CDH11: variants seen among roughly 807,000 people sequenced by gnomAD.
CDH11 encodes cadherin 11, also known as cadherin-11.
A neutral mutation model predicts 67.8 loss-of-function variants in CDH11; 11 were observed. That is an observed-to-expected ratio of 0.16 (90% CI 0.10 to 0.27). The LOEUF (loss-of-function observed/expected upper bound fraction) is 0.27. Ranked by LOEUF, CDH11 falls within the 10% of genes least tolerant of loss-of-function variation. The pLI is 1.00. For missense variants in CDH11, 847 were observed against 1,031.2 expected (o/e 0.82, Z 2.45); for synonymous variants, 419 against 400.0 (o/e 1.05, Z -0.57).
At chr16:65,049,473 C>T (rs1001378734) in intron 2 of CDH11, among the ~76,000 whole-genome samples, 2 of 152,210 alleles carry the variant, frequency 1.3e-5, no homozygotes, top group East Asian at 1.9e-4. Context: ...GACCCCTGCG[C>T]ATAGCAGCCA....
intron 11 of CDH11, among the ~76,000 whole-genome samples, chr16:64,963,285 G>A (rs1281913668): frequency 6.6e-6 from 1 of 152,134 alleles, no homozygotes. Flanking sequence ...AAACACTAGA[G>A]ATAAAAAACA....
At chr16:65,032,490 C>T (rs901369076) in intron 2 of CDH11, among the ~76,000 whole-genome samples, 1 of 149,364 alleles carries the variant, frequency 6.7e-6, no homozygotes, top group Non-Finnish European at 1.5e-5. Context: ...GAAAAAGAGA[C>T]AGAGAGAGAG....
chr16:64,968,892 A>T (rs1408101446), intron 11 of CDH11, among the ~76,000 whole-genome samples: 1 of 152,194 alleles, frequency 6.6e-6, no homozygotes, highest in Non-Finnish European at 1.5e-5. Context: ...TACTTTTAGG[A>T]GCTAGTAGAA....
chr16:65,120,110 G>T (rs2075300452), intron 1 of CDH11, among the ~76,000 whole-genome samples: 2 of 152,194 alleles, frequency 1.3e-5, no homozygotes, highest in African/African-American at 4.8e-5. Flanking sequence ...GCTCCCTGCA[G>T]CTAGGGTTGG....
intron 7 of CDH11, chr16:64,987,385 AT>A (rs1419745787): frequency 1.6e-4 from 25 of 152,110 alleles, no homozygotes; most frequent in Admixed American, 1.6e-3. Flanking sequence ...AAATGATTTC[AT>A]CTGTCTGAGC....
At chr16:64,990,484 G>C (rs974195033) in intron 6 of CDH11, among the ~76,000 whole-genome samples, 2 of 152,070 alleles carry the variant, frequency 1.3e-5, no homozygotes, top group Non-Finnish European at 2.9e-5. Flanking sequence ...ACACTTTCAT[G>C]ATGAACCCCC....
intron 7 of CDH11, among the ~76,000 whole-genome samples, chr16:64,983,429 T>C (rs569499006): frequency 1.3e-5 from 2 of 152,184 alleles, no homozygotes; most frequent in Non-Finnish European, 1.5e-5. Flanking sequence ...AACTACCAAA[T>C]GTTTGGAAAG....
At position 64,947,316 on chromosome 16, in the gene CDH11, G is replaced by C. The variant is rs939595724; in HGVS notation, c.*287C>G. On this transcript the variant is annotated 3_prime_UTR_variant, in exon 13 of 13. Coordinates refer to ENST00000268603, the MANE Select transcript of CDH11 (RefSeq NM_001797.4). ...CATAAACAATTTCCCTTCATTGTCAGTTCAGCGTTAGACTTCTCCTTCACT... is the reference window on the plus strand; with the variant it reads ...CATAAACAATTTCCCTTCATTGTCACTTCAGCGTTAGACTTCTCCTTCACT... 1 of 1,199,100 alleles carries C rather than the reference G, an allele frequency of 8.3e-7. No homozygotes were observed. Among genetic ancestry groups the C allele is most frequent in the African/African-American group, 1.5e-5 (1 of 65,052 alleles). 74.3% of individuals were successfully genotyped at this position (1,199,100 alleles called of 1,614,324 possible).
At chr16:65,079,214 A>G (rs1193061243) in intron 1 of CDH11, among the ~76,000 whole-genome samples, 2 of 152,188 alleles carry the variant, frequency 1.3e-5, no homozygotes, top group Non-Finnish European at 2.9e-5. Context: ...GACAGATGGG[A>G]CGGAACACTT....
chr16:65,025,398 G>A (rs370651797), intron 2 of CDH11, among the ~76,000 whole-genome samples: 25 of 152,174 alleles, frequency 1.6e-4, no homozygotes, highest in African/African-American at 5.1e-4. Context: ...GTGCAGTGGC[G>A]CGATCTTGGC....
chr16:64,982,368 T>C lies in CDH11; in HGVS notation c.1000-67A>G, dbSNP rs897567107. ...AGAATAATGGAAGAGAAAGACCCGATTGTTTTATAGGGACGAGTGAATATT... is the reference window on the plus strand; with the variant it reads ...AGAATAATGGAAGAGAAAGACCCGACTGTTTTATAGGGACGAGTGAATATT... On this transcript the variant is annotated intron_variant, in intron 7 of 12. Coordinates refer to ENST00000268603, the MANE Select transcript of CDH11 (RefSeq NM_001797.4). The C allele has an allele frequency of 3.2e-6, 4 of 1,268,540 alleles. No individual in the cohort carries two copies. In the African/African-American group the frequency reaches 5.9e-5, roughly 19 times the overall value. 78.6% of individuals were successfully genotyped at this position (1,268,540 alleles called of 1,614,324 possible).
intron 2 of CDH11, among the ~76,000 whole-genome samples, chr16:65,046,892 G>A (rs2073970510): frequency 6.6e-6 from 1 of 152,160 alleles, no homozygotes. Context: ...CAGATCACTT[G>A]AGGCCAGGAG....
chr16:65,062,381 G>C (rs1001704924), intron 1 of CDH11, among the ~76,000 whole-genome samples: 7 of 151,878 alleles, frequency 4.6e-5, no homozygotes, highest in Non-Finnish European at 7.4e-5. Context: ...CACACACACA[G>C]AGACACACAC....
intron 2 of CDH11, among the ~76,000 whole-genome samples, chr16:65,050,684 G>A (rs1438433228): frequency 6.6e-6 from 1 of 151,552 alleles, no homozygotes; most frequent in African/African-American, 2.4e-5. Context: ...TTTATGTTTT[G>A]TTTTGTTTTT....
intron 1 of CDH11, among the ~76,000 whole-genome samples, chr16:65,065,131 C>G (rs1353643967): frequency 6.6e-6 from 1 of 152,132 alleles, no homozygotes; most frequent in Non-Finnish European, 1.5e-5. Context: ...CAGGGAGAGA[C>G]AAATGCCAGT....
At chr16:65,009,526 T>C (rs984158640) in intron 2 of CDH11, among the ~76,000 whole-genome samples, 5 of 152,180 alleles carry the variant, frequency 3.3e-5, no homozygotes, top group African/African-American at 1.2e-4. Flanking sequence ...AACTGATTGA[T>C]GTATTCAGTG....
At chr16:65,122,243 G>A, upstream of CDH11, 1 of 462,672 alleles carries the variant, frequency 2.2e-6, no homozygotes, top group Admixed American at 4.2e-5. Flanking sequence ...CAGAGGCTGC[G>A]GGGGCCGACC....
At chr16:64,977,841 T>C (rs1192335415) in intron 8 of CDH11, among the ~76,000 whole-genome samples, 1 of 152,190 alleles carries the variant, frequency 6.6e-6, no homozygotes, top group Non-Finnish European at 1.5e-5. Context: ...TGAAATAACT[T>C]TGTAAAACCT....
chr16:65,057,348 G>A (rs1366484811), intron 1 of CDH11, among the ~76,000 whole-genome samples: 2 of 152,180 alleles, frequency 1.3e-5, no homozygotes, highest in African/African-American at 4.8e-5. Context: ...ATCATGGGCT[G>A]TCTTCAAGTA....
Sources: gnomAD v4.1 joint callset for allele counts (sites outside exome capture counted in the v4.1 genomes callset) on GRCh38, gnomAD v4.1.1 for gene constraint, MANE v1.5 for transcripts, NCBI Gene and HGNC (gene_info 2026-07-23, HGNC 2026-07-21) for gene names.